The following ZNF782 variants were observed in gnomAD, a reference collection of about 807,000 sequenced individuals.
ZNF782 encodes zinc finger protein 782.
In ZNF782, 12 loss-of-function variants were observed where a neutral mutation model predicts 13.0. That is an observed-to-expected ratio of 0.92 (90% CI 0.59 to 1.50). The LOEUF is 1.50. Ranked by LOEUF, ZNF782 falls within the 40% of genes most tolerant of loss-of-function variation. The probability of loss-of-function intolerance (pLI) is 0.00; values close to 1 mark genes in which losing one functional copy is unlikely to be tolerated. For missense variants in ZNF782, 770 were observed against 822.9 expected (o/e 0.94, Z 0.79); for synonymous variants, 284 against 283.0 (o/e 1.00, Z -0.04).
Position 96,850,956 on chromosome 9 carries a change from T to C in ZNF782, c.15+991A>G, listed in dbSNP as rs1851468391. On this transcript the variant is annotated intron_variant, in intron 3 of 5. Coordinates refer to ENST00000481138, the MANE Select transcript of ZNF782 (RefSeq NM_001001662.3). The surrounding 1 kb of genome is among the most constrained non-coding windows in gnomAD (Gnocchi z 4.3). ...GTAAAGTGCTAAGTAAGTAGGCAAG[T>C]TGCATCTTCAGTGTTAAAGTATATT... Among the ~76,000 whole-genome samples the C allele has an allele frequency of 6.6e-6, 1 of 152,312 alleles. No homozygotes were observed. Among genetic ancestry groups the C allele is most frequent in the Admixed American group, 6.5e-5 (1 of 15,296 alleles).
chr9:96,839,850 G>A (rs918871830), intron 4 of ZNF782, among the ~76,000 whole-genome samples: 2 of 151,994 alleles, frequency 1.3e-5, no homozygotes, highest in Non-Finnish European at 2.9e-5. Flanking sequence ...ACAGGCTCTT[G>A]TCCATTTTAT....
At chr9:96,826,292 C>T (rs914726031) in intron 5 of ZNF782, among the ~76,000 whole-genome samples, 2 of 151,740 alleles carry the variant, frequency 1.3e-5, no homozygotes, top group African/African-American at 4.8e-5. Flanking sequence ...AGTAAACTAT[C>T]GCAAGAACAA....
chr9:96,907,101 G>C, the ZNF782 span, among the ~76,000 whole-genome samples: 27 of 151,848 alleles, frequency 1.8e-4, no homozygotes, highest in Non-Finnish European at 3.1e-4. Flanking sequence ...ATAGCCAAAA[G>C]GTAGAAGGAA....
At chr9:96,854,817 T>C (rs1851617196), upstream of ZNF782, among the ~76,000 whole-genome samples, 5 of 152,088 alleles carry the variant, frequency 3.3e-5, no homozygotes, top group South Asian at 1.0e-3. Flanking sequence ...TCGGAGACAA[T>C]TGGGAAGCTG....
At chr9:96,881,791 T>A in the ZNF782 span, among the ~76,000 whole-genome samples, 2 of 152,132 alleles carry the variant, frequency 1.3e-5, no homozygotes, top group African/African-American at 4.8e-5. Context: ...TCCATTCTTA[T>A]GCCAATATCA....
chr9:96,851,520 T>G (rs1359415894), intron 3 of ZNF782, among the ~76,000 whole-genome samples: 1 of 152,164 alleles, frequency 6.6e-6, no homozygotes, highest in African/African-American at 2.4e-5. Context: ...TTTAATCCAA[T>G]TTGTGAACAC....
At chr9:96,845,672 C>T (rs774813835) in intron 3 of ZNF782, among the ~76,000 whole-genome samples, 8 of 152,016 alleles carry the variant, frequency 5.3e-5, no homozygotes, top group African/African-American at 1.7e-4. Flanking sequence ...TAAAAAGAAA[C>T]GAACAAAGTC....
At chr9:96,929,244 GC>G in the ZNF782 span, among the ~76,000 whole-genome samples, 1 of 152,166 alleles carries the variant, frequency 6.6e-6, no homozygotes, top group South Asian at 2.1e-4. Flanking sequence ...GGACCAAGAT[GC>G]CTGGGGGAAT....
chr9:96,829,214 G>C (rs1028199488), intron 4 of ZNF782, among the ~76,000 whole-genome samples: 4 of 151,460 alleles, frequency 2.6e-5, no homozygotes, highest in Middle Eastern at 3.4e-3. Flanking sequence ...AAAATTTATA[G>C]AGATAAAGAG....
intron 4 of ZNF782, among the ~76,000 whole-genome samples, chr9:96,833,554 TCATCA>T (rs1318828894): frequency 2.0e-5 from 3 of 152,218 alleles, no homozygotes; most frequent in African/African-American, 7.2e-5. Flanking sequence ...TCTACCATTC[TCATCA>T]CATCTCATCA....
Position 96,818,258 on chromosome 9 carries a change from G to A in ZNF782, c.1765C>T (p.Pro589Ser), listed in dbSNP as rs1397381928. ...TTTCCACACTCCTCACATTGATAGGGTTTCTCCCCAGTATGAGTTCTGTGA... is the reference window on the plus strand; with the variant it reads ...TTTCCACACTCCTCACATTGATAGGATTTCTCCCCAGTATGAGTTCTGTGA... The part of the protein sequence containing the change: ...VHHRTHTGEK[P>S]YQCEECGKTF... Residue 589 changes from proline to serine, a missense_variant, in exon 6 of 6, where the codon CCC becomes TCC. By Grantham distance (74) the Pro-to-Ser change is moderately conservative (BLOSUM62 -1). Transcript: ENST00000481138. 3 of 1,613,608 alleles carry A rather than the reference G, an allele frequency of 1.9e-6. No individual in the cohort carries two copies. Among genetic ancestry groups the A allele is most frequent in the South Asian group, 2.2e-5 (2 of 91,066 alleles).
chr9:96,863,462 T>C (rs1851727518), intron 1 of ZNF782, among the ~76,000 whole-genome samples: 1 of 152,188 alleles, frequency 6.6e-6, no homozygotes, highest in Non-Finnish European at 1.5e-5. Flanking sequence ...TGGGGATTCT[T>C]TGAAGAACTA....
the ZNF782 span, among the ~76,000 whole-genome samples, chr9:96,920,700 G>A: frequency 1.3e-5 from 2 of 148,728 alleles, no homozygotes; most frequent in Admixed American, 1.3e-4. Flanking sequence ...GCGGATCCAG[G>A]GTCAGGAGTT....
rs184136226 is a variant in ZNF782, at chr9:96,826,661, T to C, written c.244+419A>G. Among the ~76,000 whole-genome samples, 189 of 152,334 alleles carry C rather than the reference T, an allele frequency of 1.2e-3. 3 individuals are homozygous for C. The East Asian group carries it at 0.03, about 24-fold the overall frequency. Reference sequence around the variant, plus strand: ...GTAAGGTTTGCCCTTGGCTGGCATCTAGAAACAAGATTCTCATAACTGCCG... The same window carrying C: ...GTAAGGTTTGCCCTTGGCTGGCATCCAGAAACAAGATTCTCATAACTGCCG... On this transcript the variant is annotated intron_variant, in intron 5 of 5. Transcript: ENST00000481138.
chr9:96,912,445 G>T, the ZNF782 span, among the ~76,000 whole-genome samples: 7 of 150,314 alleles, frequency 4.7e-5, no homozygotes, highest in Non-Finnish European at 1.0e-4. Flanking sequence ...AGTGAGCCGA[G>T]ATCGTGCCAC....
chr9:96,916,266 G>A, the ZNF782 span, among the ~76,000 whole-genome samples: 6 of 151,830 alleles, frequency 4.0e-5, no homozygotes, highest in Non-Finnish European at 7.4e-5. Context: ...TAAGGCGGGC[G>A]GATCACTTGA....
chr9:96,921,028 TATA>T, the ZNF782 span, among the ~76,000 whole-genome samples: 1 of 147,342 alleles, frequency 6.8e-6, no homozygotes, highest in East Asian at 2.1e-4. Context: ...TGGAGAGTTG[TATA>T]ATGTGAAAGT....
At chr9:96,909,974 C>G in the ZNF782 span, 4 of 462,400 alleles carry the variant, frequency 8.7e-6, no homozygotes, top group Non-Finnish European at 1.6e-5. Context: ...CCTTGCTCGC[C>G]GCGGCTGCCT....
At chr9:96,877,587 T>C (rs1588179587), upstream of ZNF782, among the ~76,000 whole-genome samples, 2 of 152,182 alleles carry the variant, frequency 1.3e-5, no homozygotes, top group African/African-American at 4.8e-5. Context: ...TCCGAGCGCG[T>C]CCTCAGGCTT....
Sources: allele counts gnomAD v4.1 joint callset (sites outside exome capture counted in the v4.1 genomes callset), GRCh38; gene constraint gnomAD v4.1.1; non-coding constraint Gnocchi (gnomAD v3.1); transcripts MANE v1.5; gene names NCBI Gene and HGNC (gene_info 2026-07-23, HGNC 2026-07-21).